NSMAF: variants seen among roughly 807,000 people sequenced by gnomAD.
NSMAF encodes protein FAN.
A neutral mutation model predicts 134.9 loss-of-function variants in NSMAF; 90 were observed. The observed-to-expected ratio is 0.67, with a 90% confidence interval of 0.56 to 0.79. The LOEUF (loss-of-function observed/expected upper bound fraction) is 0.79. Ranked by LOEUF, NSMAF falls within the 30% of genes least tolerant of loss-of-function variation. NSMAF has a pLI of 0.00. For synonymous variants in NSMAF, 358 were observed against 389.6 expected (o/e 0.92, Z 0.96); for missense variants, 1,010 against 1,119.0 (o/e 0.90, Z 1.39).
At chr8:58,656,050 GCT>G (rs1286096835) in intron 1 of NSMAF, among the ~76,000 whole-genome samples, 7 of 151,470 alleles carry the variant, frequency 4.6e-5, no homozygotes, top group Non-Finnish European at 8.8e-5. Context: ...ATGGAGTCTC[GCT>G]CTGTCGCCCA....
intron 26 of NSMAF, chr8:58,588,313 C>T (rs1805938173): frequency 5.7e-6 from 4 of 696,930 alleles, no homozygotes; most frequent in South Asian, 1.6e-5. Flanking sequence ...TTAATGATTC[C>T]TCACTTTAAC....
intron 24 of NSMAF, 70 bp from the exon 25 acceptor site, chr8:58,590,144 T>C: frequency 1.4e-6 from 2 of 1,380,360 alleles, no homozygotes; most frequent in Non-Finnish European, 2.0e-6. Context: ...TAAAGCTATC[T>C]TATACATTTC....
Position 58,623,431 on chromosome 8 carries a change from T to C in NSMAF, c.457-7A>G. The C allele has an allele frequency of 6.2e-7, 1 of 1,612,774 alleles. No homozygotes were observed. Among genetic ancestry groups the C allele is most frequent in the South Asian group, 1.1e-5 (1 of 90,646 alleles). On this transcript the variant is annotated splice_polypyrimidine_tract_variant and splice_region_variant and intron_variant, in intron 7 of 30. Transcript: ENST00000038176. ...GGCAGGATGCTCTGTGAAGCTACAGTATCATAAACAGACATGAATTTATTT... is the reference window on the plus strand; with the variant it reads ...GGCAGGATGCTCTGTGAAGCTACAGCATCATAAACAGACATGAATTTATTT...
At chr8:58,650,626 C>T (rs571026662) in intron 1 of NSMAF, among the ~76,000 whole-genome samples, 1 of 152,192 alleles carries the variant, frequency 6.6e-6, no homozygotes, top group Non-Finnish European at 1.5e-5. Flanking sequence ...TTCCTTGGAA[C>T]TTTCAATATC....
Position 58,659,675 on chromosome 8 carries a change from G to GC in NSMAF, c.-45dup. On this transcript the variant is annotated 5_prime_UTR_variant, in exon 1 of 31. Transcript: ENST00000038176. ...GGCGCAGAGCGCACAGGCAGGCCCC[G>GC]CCGCCGCCTGCCGAGGAGGTCCGGA... 7.5e-7 allele frequency: 1 copy of GC among 1,338,410 alleles called. No homozygotes were observed. Among genetic ancestry groups the GC allele is most frequent in the Non-Finnish European group, 9.6e-7 (1 of 1,038,696 alleles). 82.9% of individuals were successfully genotyped at this position (1,338,410 alleles called of 1,614,324 possible).
chr8:58,590,672 C>A (rs1806000724), intron 24 of NSMAF, among the ~76,000 whole-genome samples, 195 bp downstream of exon 24: 1 of 151,968 alleles, frequency 6.6e-6, no homozygotes, highest in Admixed American at 6.6e-5. Context: ...AATGAAATCA[C>A]AACAGTAAGA....
rs13439297 is a variant in NSMAF at position 58,599,685 on chromosome 8, A to T, written c.1453+65T>A. 3.8e-3 allele frequency: 5,823 copies of T among 1,537,256 alleles called. 201 individuals are homozygous for T. In the African/African-American group the frequency reaches 0.069, roughly 18 times the overall value. The stretch of plus-strand genomic sequence containing the variant: ...TTTTAAAAATCTAAGCAATAAAATA[A>T]TTACTGAAATTGCACTACTTGGTAA... On this transcript the variant is annotated intron_variant, in intron 18 of 30. Coordinates refer to ENST00000038176, the MANE Select transcript of NSMAF (RefSeq NM_003580.4).
chr8:58,616,170 C>G (rs1464170331), intron 9 of NSMAF, among the ~76,000 whole-genome samples: 2 of 152,060 alleles, frequency 1.3e-5, no homozygotes. Context: ...ACCTAGATGG[C>G]TTCATCAATA....
At chr8:58,657,924 A>G (rs150273330) in intron 1 of NSMAF, among the ~76,000 whole-genome samples, 1 of 152,354 alleles carries the variant, frequency 6.6e-6, no homozygotes, top group East Asian at 1.9e-4. Flanking sequence ...CAGCATATAC[A>G]TGGAAATGCA....
chr8:58,597,526 T>A lies in NSMAF; in HGVS notation c.1653A>T (p.Val551=). 6.2e-7 allele frequency: 1 copy of A among 1,614,208 alleles called. No homozygotes were observed. The highest frequency in any genetic ancestry group is 8.5e-7 in the Non-Finnish European group (1 of 1,180,018). Residue 551 remains valine, a synonymous_variant, in exon 21 of 31, where the codon GTA becomes GTT. Transcript: ENST00000038176. ...ATTCCAAGATTTGCGTAAGCATGGC[T>A]ACCTTCTCATCAGGATCCTGGATGC... ...LNSIQDPDEK[V]AMLTQILEFG...
intron 2 of NSMAF, among the ~76,000 whole-genome samples, chr8:58,638,743 C>A (rs1250781181): frequency 1.3e-5 from 2 of 152,126 alleles, no homozygotes; most frequent in Non-Finnish European, 2.9e-5. Flanking sequence ...TCCAAAAGCA[C>A]AGGCAATATA....
Position 58,602,051 on chromosome 8 carries a change from C to G in NSMAF, c.1125+7G>C. ...CTTAGAAACCAAGAATCTCTAAGTC[C>G]ACATACCAGTAGTCTCTCCAGCCGT... On this transcript the variant is annotated splice_region_variant and intron_variant, in intron 14 of 30. Transcript: ENST00000038176. 2 of 1,607,364 alleles carry G rather than the reference C, an allele frequency of 1.2e-6. No individual in the cohort carries two copies. Among genetic ancestry groups the G allele is most frequent in the South Asian group, 2.2e-5 (2 of 90,594 alleles).
At chr8:58,659,450 TCCGGCCCCTG>T in intron 1 of NSMAF, 113 bp downstream of exon 1, 1 of 1,484,206 alleles carries the variant, frequency 6.7e-7, no homozygotes, top group African/African-American at 1.5e-5. Flanking sequence ...TGGACACGCG[TCCGGCCCCTG>T]CCTCCGTGCC....
intron 16 of NSMAF, among the ~76,000 whole-genome samples, chr8:58,600,600 C>T (rs1269876687): frequency 6.0e-5 from 7 of 116,514 alleles, no homozygotes; most frequent in African/African-American, 1.0e-4. Context: ...CCAGCCTGGG[C>T]GACAGAGCAA....
rs375635533 is a variant in NSMAF at position 58,655,573 on chromosome 8, C to T, written c.59+4000G>A. Among the ~76,000 whole-genome samples, 19 of 152,060 alleles carry T rather than the reference C, an allele frequency of 1.2e-4. 1 individual carries two copies. The highest frequency in any genetic ancestry group is 4.3e-4 in the African/African-American group (18 of 41,472). On this transcript the variant is annotated intron_variant, in intron 1 of 30. Coordinates refer to ENST00000038176, the MANE Select transcript of NSMAF (RefSeq NM_003580.4). ...TTAAATAGAAAGTCTGTATAATATCCTCATCTACTAACCCAATGTATACAC... is the reference window on the plus strand; with the variant it reads ...TTAAATAGAAAGTCTGTATAATATCTTCATCTACTAACCCAATGTATACAC...
Position 58,584,219 on chromosome 8 carries a change from G to T in NSMAF, c.2660-19C>A. On this transcript the variant is annotated intron_variant, in intron 30 of 30. Coordinates refer to ENST00000038176, the MANE Select transcript of NSMAF (RefSeq NM_003580.4). The stretch of plus-strand genomic sequence containing the variant: ...ACAGCACCTGAGAGAAAGACATTTT[G>T]GTTAGTTAGGAAGTTGACCAGGAGG... 1.3e-6 allele frequency: 2 copies of T among 1,597,772 alleles called. No homozygotes were observed. The highest frequency in any genetic ancestry group is 1.1e-5 in the South Asian group (1 of 90,240).
chr8:58,598,442 G>A (rs560319303), intron 19 of NSMAF, among the ~76,000 whole-genome samples: 5 of 140,144 alleles, frequency 3.6e-5, no homozygotes, highest in African/African-American at 8.4e-5. Context: ...AGCCAAGACT[G>A]CACCACTGCA....
intron 1 of NSMAF, among the ~76,000 whole-genome samples, chr8:58,645,106 G>T (rs773040872): frequency 3.5e-5 from 5 of 144,320 alleles, no homozygotes; most frequent in African/African-American, 1.3e-4. Context: ...AGAACTTAAA[G>T]TATAATTAAA....
intron 12 of NSMAF, 111 bp downstream of exon 12, chr8:58,605,816 G>T: frequency 8.5e-7 from 1 of 1,169,630 alleles, no homozygotes; most frequent in Non-Finnish European, 1.1e-6. Flanking sequence ...GGAGGCGGAG[G>T]TTGCAGTGAG....
Sources: gnomAD v4.1 joint callset for allele counts (sites outside exome capture counted in the v4.1 genomes callset) on GRCh38, gnomAD v4.1.1 for gene constraint, MANE v1.5 for transcripts, NCBI Gene and HGNC (gene_info 2026-07-23, HGNC 2026-07-21) for gene names.